Variants in SHANK2 observed in about 807,000 individuals in gnomAD.
The protein encoded by SHANK2 is SH3 and multiple ankyrin repeat domains 2, also known as SH3 and multiple ankyrin repeat domains protein 2.
Under a neutral mutation model 133.7 loss-of-function variants are expected in SHANK2, and 43 were observed. The ratio of observed to expected loss-of-function variants is 0.32; its 90% CI spans 0.25 to 0.41. The LOEUF (loss-of-function observed/expected upper bound fraction) is 0.41. SHANK2 is among the 10% of genes least tolerant of loss of function. SHANK2 has a pLI of 1.00. For missense variants in SHANK2, 1,994 were observed against 2,235.8 expected, an observed-to-expected ratio of 0.89 and a Z score of 2.18; for synonymous variants, 1,017 against 952.8, an observed-to-expected ratio of 1.07 and a Z score of -1.24.
At chr11:70,552,231 G>C (rs559944327) in intron 17 of SHANK2, among the ~76,000 whole-genome samples, 3 of 152,228 alleles carry the variant, frequency 2.0e-5, no homozygotes, top group South Asian at 2.1e-4. Context: ...GGCTGCCTGC[G>C]AACAAACGCA....
At chr11:71,167,323 G>A (rs1442093304) in intron 2 of SHANK2, among the ~76,000 whole-genome samples, 1 of 151,928 alleles carries the variant, frequency 6.6e-6, no homozygotes, top group Non-Finnish European at 1.5e-5. Flanking sequence ...AGACGGGGTG[G>A]TGGCCGGGCA....
At chr11:70,840,627 G>A (rs994453302) in intron 11 of SHANK2, among the ~76,000 whole-genome samples, 10 of 152,184 alleles carry the variant, frequency 6.6e-5, no homozygotes, top group African/African-American at 1.4e-4. Flanking sequence ...GGCACACAGC[G>A]GCAGCCACAT....
chr11:70,841,472 C>G (rs1948903790), intron 11 of SHANK2, among the ~76,000 whole-genome samples: 1 of 152,220 alleles, frequency 6.6e-6, no homozygotes, highest in Admixed American at 6.5e-5. Context: ...GGAGGTCACA[C>G]AGCCAGGCCA....
rs1429548015 is a variant in SHANK2 at position 71,093,058 on chromosome 11, G to GGA, written c.745-470_745-469insTC. On this transcript the variant is annotated intron_variant, in intron 7 of 25. Transcript: ENST00000601538. ...GCTCAGTCTCAAAAATAAAGGGGGGGGGGGGCAGGTATAACTTTAGACAAC... is the reference window on the plus strand; with the variant it reads ...GCTCAGTCTCAAAAATAAAGGGGGGGGAGGGGGCAGGTATAACTTTAGACAAC... Among the ~76,000 whole-genome samples the GGA allele has an allele frequency of 4.8e-5, 7 of 144,422 alleles. No individual in the cohort carries two copies. In the East Asian group the frequency reaches 1.3e-3, roughly 27 times the overall value. The allele number at this position is 144,422 out of a possible 152,430, so 94.7% of individuals were successfully genotyped here.
At chr11:71,228,280 T>C (rs372753459) in intron 1 of SHANK2, among the ~76,000 whole-genome samples, 22 of 152,342 alleles carry the variant, frequency 1.4e-4, no homozygotes, top group African/African-American at 5.0e-4. Flanking sequence ...TCCAGTTTTT[T>C]TGAGAAAAAG....
chr11:70,938,412 A>T (rs1240052116), intron 10 of SHANK2, among the ~76,000 whole-genome samples: 1 of 152,244 alleles, frequency 6.6e-6, no homozygotes, highest in African/African-American at 2.4e-5. Context: ...CTCCCCAACA[A>T]GGAAAGGCAT....
chr11:70,598,755 G>A (rs1010977571), intron 17 of SHANK2, among the ~76,000 whole-genome samples: 1 of 152,272 alleles, frequency 6.6e-6, no homozygotes, highest in Non-Finnish European at 1.5e-5. Context: ...AGCTAAGACT[G>A]ATCTAACAGA....
intron 15 of SHANK2, among the ~76,000 whole-genome samples, chr11:70,677,582 C>T (rs1022411272): frequency 7.9e-5 from 12 of 152,186 alleles, no homozygotes; most frequent in African/African-American, 2.9e-4. Flanking sequence ...CCCTGGACAA[C>T]CCTGCTCATT....
chr11:70,604,378 C>G (rs2060545653), intron 17 of SHANK2: 1 of 152,378 alleles, frequency 6.6e-6, no homozygotes, highest in Non-Finnish European at 1.5e-5. Flanking sequence ...GTGGGGCACA[C>G]AGCTACGTGG....
intron 15 of SHANK2, among the ~76,000 whole-genome samples, chr11:70,697,004 C>A (rs1428456190): frequency 6.6e-6 from 1 of 152,202 alleles, no homozygotes; most frequent in Non-Finnish European, 1.5e-5. Context: ...GTGAAAGAAG[C>A]CAGTCACAGA....
chr11:70,871,368 G>A (rs979460023), intron 11 of SHANK2, among the ~76,000 whole-genome samples: 1 of 152,202 alleles, frequency 6.6e-6, no homozygotes, highest in African/African-American at 2.4e-5. Flanking sequence ...GGCACCATAG[G>A]AGCAGGGCAG....
chr11:70,592,686 A>G (rs1554988361), intron 17 of SHANK2, among the ~76,000 whole-genome samples: 1 of 150,162 alleles, frequency 6.7e-6, no homozygotes. Context: ...GGTTAGGCCA[A>G]CTCCCTCCTC....
intron 2 of SHANK2, among the ~76,000 whole-genome samples, chr11:71,203,651 C>A (rs1240128183): frequency 1.3e-5 from 2 of 152,212 alleles, no homozygotes; most frequent in Non-Finnish European, 2.9e-5. Flanking sequence ...CATGGGAGAT[C>A]CCCTCTGAGC....
intron 11 of SHANK2, among the ~76,000 whole-genome samples, chr11:70,876,576 A>T (rs1179686773): frequency 2.0e-5 from 3 of 147,054 alleles, no homozygotes; most frequent in Non-Finnish European, 4.5e-5. Flanking sequence ...AGAAAAAAAA[A>T]GAAAAAAATT....
At chr11:71,208,921 T>C (rs1954188344) in intron 2 of SHANK2, among the ~76,000 whole-genome samples, 1 of 152,078 alleles carries the variant, frequency 6.6e-6, no homozygotes, top group African/African-American at 2.4e-5. Flanking sequence ...AATTTCATGA[T>C]CCTGTTGAGA....
In SHANK2 at chr11:70,599,921, AAG is replaced by A. The variant is rs782490213; in HGVS notation, c.2061+59905_2061+59906del. 2.3e-4 allele frequency among the ~76,000 whole-genome samples: 14 copies of A among 61,220 alleles called. 1 individual carries two copies. Among genetic ancestry groups the A allele is most frequent in the African/African-American group, 8.7e-4 (13 of 14,918 alleles). 40.2% of individuals were successfully genotyped at this position (61,220 alleles called of 152,430 possible). A position where few individuals can be genotyped will look rare whatever the true frequency, so the allele number is the denominator to read the frequency against. On this transcript the variant is annotated intron_variant, in intron 17 of 25. Coordinates refer to ENST00000601538, the MANE Select transcript of SHANK2 (RefSeq NM_012309.5). ...AGAAAGAAAGAGAAAGAAAGAAAGA[AAG>A]AAAGAAAGAAAGAAAGAAAGAAAGA... is the stretch of plus-strand genomic sequence containing the variant.
intron 11 of SHANK2, among the ~76,000 whole-genome samples, chr11:70,855,823 A>ATGGG (rs782753879): frequency 2.0e-5 from 3 of 152,244 alleles, no homozygotes; most frequent in South Asian, 2.1e-4. Flanking sequence ...GAATGGATGG[A>ATGGG]TGGGTGGGTG....
chr11:70,930,099 T>G (rs529474146), intron 10 of SHANK2, among the ~76,000 whole-genome samples: 1 of 152,346 alleles, frequency 6.6e-6, no homozygotes, highest in African/African-American at 2.4e-5. Context: ...AGAAAATTTT[T>G]ATTTACAAAG....
At chr11:70,657,812 C>T (rs1419370886) in intron 17 of SHANK2, among the ~76,000 whole-genome samples, 1 of 152,178 alleles carries the variant, frequency 6.6e-6, no homozygotes, top group Non-Finnish European at 1.5e-5. Context: ...TGCTTAGAAA[C>T]AGAAGTGTGG....
Sources: allele counts gnomAD v4.1 joint callset (sites outside exome capture counted in the v4.1 genomes callset), GRCh38; gene constraint gnomAD v4.1.1; transcripts MANE v1.5; gene names NCBI Gene and HGNC (gene_info 2026-07-23, HGNC 2026-07-21).